Variants in CIITA observed in about 807,000 individuals in gnomAD.
CIITA encodes the protein MHC class II transactivator.
A neutral mutation model predicts 115.1 loss-of-function variants in CIITA; 72 were observed. The ratio of observed to expected loss-of-function variants is 0.63; its 90% CI spans 0.52 to 0.76. CIITA has a LOEUF of 0.76. CIITA is among the 30% of genes least tolerant of loss of function. The pLI, the probability that CIITA is intolerant of heterozygous loss-of-function variation, is 0.00. For missense variants in CIITA, 1,617 were observed against 1,463.8 expected (o/e 1.10, Z -1.71); for synonymous variants, 763 against 635.6 (o/e 1.20, Z -3.02).
At chr16:10,914,923 T>C (rs1317055900) in intron 13 of CIITA, 1 of 371,016 alleles carries the variant, frequency 2.7e-6, no homozygotes, top group Non-Finnish European at 5.4e-6. Flanking sequence ...TCAGGACCCC[T>C]TCCCCAGGCT....
chr16:10,876,633 C>G (rs796440979), upstream of CIITA, among the ~76,000 whole-genome samples: 4 of 152,324 alleles, frequency 2.6e-5, no homozygotes, highest in African/African-American at 9.6e-5. Context: ...TGGCGGGTCA[C>G]CCCAAACCAT....
At chr16:10,895,024 T>A (rs921198950) in intron 1 of CIITA, among the ~76,000 whole-genome samples, 1 of 152,200 alleles carries the variant, frequency 6.6e-6, no homozygotes, top group African/African-American at 2.4e-5. Context: ...GACTCTCTGG[T>A]GTGAGATTGA....
intron 2 of CIITA, 90 bp from the exon 3 acceptor site, chr16:10,895,579 A>G: frequency 6.4e-7 from 1 of 1,566,366 alleles, no homozygotes; most frequent in Non-Finnish European, 8.7e-7. Flanking sequence ...GATGGGGATG[A>G]TCTCCCAGCC....
rs2040423450 is a variant in CIITA, at chr16:10,924,092, ATGCCTGG to A, written c.*240_*246del. 6.6e-6 allele frequency: 1 copy of A among 152,436 alleles called. No individual in the cohort carries two copies. Among genetic ancestry groups the A allele is most frequent in the Non-Finnish European group, 1.5e-5 (1 of 68,208 alleles). 9.4% of individuals were successfully genotyped at this position (152,436 alleles called of 1,614,324 possible). ...GCTCCTTTAGCGCCCAGTTGGGTGG[ATGCCTGG>A]TGGCAGCTGCGGTCCACCCAGGAGC... On this transcript the variant is annotated 3_prime_UTR_variant, in exon 20 of 20. Transcript: ENST00000324288.
rs769635677 is a variant in CIITA, at chr16:10,877,393, C to A, written c.52+11C>A. 15 of 1,611,680 alleles carry A rather than the reference C, an allele frequency of 9.3e-6. No homozygotes were observed. Among genetic ancestry groups the A allele is most frequent in the Non-Finnish European group, 1.3e-5 (15 of 1,178,874 alleles). ...TGTCAGAGCCCCAAGGTAAAAAGGC[C>A]GGGAAAGCATCTTAATTTAGCGTGC... On this transcript the variant is annotated intron_variant, in intron 1 of 19. Coordinates refer to ENST00000324288, the MANE Select transcript of CIITA (RefSeq NM_000246.4).
In CIITA at chr16:10,898,969, C is replaced by A. The variant is rs749136255; in HGVS notation, c.403C>A (p.Pro135Thr). 1.2e-6 allele frequency: 2 copies of A among 1,614,006 alleles called. No homozygotes were observed. The highest frequency in any genetic ancestry group is 8.5e-7 in the Non-Finnish European group (1 of 1,179,980). The part of the protein sequence containing the change: ...DEVIGESMEM[P>T]AEVGQKSQKR... ...AGTGATCGGTGAGAGTATGGAGATG[C>A]CAGCAGAAGTTGGGCAGAAAAGTCA... Residue 135 changes from proline (P) to threonine (T), a missense_variant, in exon 5 of 20, where the codon CCA (proline) becomes ACA (threonine). By Grantham distance (38) the Pro-to-Thr change is conservative (BLOSUM62 -1). Transcript: ENST00000324288.
chr16:10,922,587 C>T (rs750104304), intron 18 of CIITA, 97 bp downstream of exon 18: 2 of 1,206,140 alleles, frequency 1.7e-6, no homozygotes, highest in Non-Finnish European at 2.4e-6. Context: ...TTCCCTTCAC[C>T]AATCTGCAAC....
At position 10,906,951 on chromosome 16, in the gene CIITA, A is replaced by C. The variant is rs1347045340; in HGVS notation, c.1459A>C (p.Ile487Leu). ...GGCGGCCGATGAGGTTTTCAGCCAC[A>C]TCTTGAAGAGACCTGACCGCGTTCT... ...LVAADEVFSHILKRPDRVLLI... is the reference protein window; with the variant it reads ...LVAADEVFSHLLKRPDRVLLI... Residue 487 changes from isoleucine (I) to leucine (L), a missense_variant, in exon 11 of 20, where the codon ATC becomes CTC. Coordinates refer to ENST00000324288, the MANE Select transcript of CIITA (RefSeq NM_000246.4). 1.9e-6 allele frequency: 3 copies of C among 1,613,148 alleles called. No individual in the cohort carries two copies. The highest frequency in any genetic ancestry group is 2.2e-5 in the South Asian group (2 of 91,090).
At chr16:10,937,730 T>A (rs1046770841), downstream of CIITA, 2 of 152,420 alleles carry the variant, frequency 1.3e-5, no homozygotes, top group Non-Finnish European at 2.9e-5. The surrounding 1 kb of genome is among the most constrained non-coding windows in gnomAD (Gnocchi z 4.2). Flanking sequence ...AGACTCTCCC[T>A]GGCTCCCAGG....
At chr16:10,873,404 T>C (rs1385127495), upstream of CIITA, among the ~76,000 whole-genome samples, 2 of 152,160 alleles carry the variant, frequency 1.3e-5, no homozygotes, top group Admixed American at 1.3e-4. Flanking sequence ...AAAGTTAAAG[T>C]TGTATTGCCA....
upstream of CIITA, among the ~76,000 whole-genome samples, chr16:10,872,912 C>G (rs2143295773): frequency 6.6e-6 from 1 of 152,354 alleles, no homozygotes; most frequent in African/African-American, 2.4e-5. Context: ...CTTGATCATT[C>G]AAATCTAAAA....
intron 1 of CIITA, among the ~76,000 whole-genome samples, chr16:10,892,356 G>A (rs570332914): frequency 5.9e-5 from 9 of 151,902 alleles, no homozygotes; most frequent in Non-Finnish European, 1.3e-4. Flanking sequence ...TGAGTCTCAG[G>A]AATGGGGTGG....
chr16:10,916,549 A>G, intron 15 of CIITA, 90 bp downstream of exon 15: 1 of 1,128,572 alleles, frequency 8.9e-7, no homozygotes, highest in Non-Finnish European at 1.3e-6. Context: ...GTTTTTTTAG[A>G]CAAGGGCTCG....
At chr16:10,875,555 T>A (rs2035773609), upstream of CIITA, among the ~76,000 whole-genome samples, 2 of 152,222 alleles carry the variant, frequency 1.3e-5, no homozygotes, top group African/African-American at 2.4e-5. Context: ...ACACAAGTCA[T>A]GTTTCCAAAC....
At position 10,929,248 on chromosome 16, in the gene CIITA, T is replaced by C; in HGVS notation, c.*5393T>C. 1.0e-6 allele frequency: 1 copy of C among 985,934 alleles called. No homozygotes were observed. Among genetic ancestry groups the C allele is most frequent in the Non-Finnish European group, 1.2e-6 (1 of 829,964 alleles). The allele number at this position is 985,934 out of a possible 1,614,324, so 61.1% of individuals were successfully genotyped here. On this transcript the variant is annotated 3_prime_UTR_variant, in exon 20 of 20. Coordinates refer to ENST00000324288, the MANE Select transcript of CIITA (RefSeq NM_000246.4). This position sits in a 1 kb window ranked among gnomAD's most constrained non-coding sequence, Gnocchi z 4.3. ...CGGAGCTGGGAGTCGCTTTTGCGTG[T>C]GTCCGCAGTTTGAAGTGTCCTCTCC...
At chr16:10,868,287 G>A (rs2035233110) in intron 1 of CIITA, among the ~76,000 whole-genome samples, 1 of 152,204 alleles carries the variant, frequency 6.6e-6, no homozygotes, top group Non-Finnish European at 1.5e-5. Context: ...ACTTGCCCAG[G>A]TCCCCCAGGT....
intron 1 of CIITA, among the ~76,000 whole-genome samples, chr16:10,894,047 T>C (rs547773756): frequency 1.3e-5 from 2 of 152,098 alleles, no homozygotes; most frequent in African/African-American, 4.8e-5. Flanking sequence ...AGATAGGCTT[T>C]TGCTATGTTG....
At chr16:10,877,458 C>A in intron 1 of CIITA, 76 bp downstream of exon 1, 3 of 1,468,706 alleles carry the variant, frequency 2.0e-6, no homozygotes, top group South Asian at 1.2e-5. Flanking sequence ...AACAGAGAAA[C>A]CATTCTGAAT....
At chr16:10,868,603 G>A (rs1337057973) in intron 1 of CIITA, among the ~76,000 whole-genome samples, 3 of 152,206 alleles carry the variant, frequency 2.0e-5, no homozygotes, top group Non-Finnish European at 4.4e-5. Context: ...CAGACAGCCA[G>A]TGTGGTCTTG....
Sources: gnomAD v4.1 joint callset for allele counts (sites outside exome capture counted in the v4.1 genomes callset) on GRCh38, gnomAD v4.1.1 for gene constraint, Gnocchi (gnomAD v3.1) non-coding constraint, MANE v1.5 for transcripts, NCBI Gene and HGNC (gene_info 2026-07-23, HGNC 2026-07-21) for gene names.